Variants in NBAS observed in about 807,000 individuals in gnomAD.
The protein encoded by NBAS is NAG/BC035112 fusion.
NBAS carries 219 observed loss-of-function variants against 302.5 expected under a neutral mutation model. The ratio of observed to expected loss-of-function variants is 0.72; its 90% CI spans 0.65 to 0.81. NBAS has a LOEUF of 0.81. Among genes scored for constraint, NBAS ranks in the 30% least tolerant of loss-of-function variants. The pLI is 0.00. For synonymous variants in NBAS, 1,118 were observed against 1,021.6 expected (o/e 1.09, Z -1.80); for missense variants, 2,932 against 2,841.6 (o/e 1.03, Z -0.72).
At chr2:15,339,253 T>C (rs879362270) in intron 35 of NBAS, among the ~76,000 whole-genome samples, 1 of 152,184 alleles carries the variant, frequency 6.6e-6, no homozygotes, top group Admixed American at 6.5e-5. Context: ...TAATTTGGCA[T>C]GCCTACTATG....
At chr2:15,178,799 T>C (rs1664676976) in intron 51 of NBAS, among the ~76,000 whole-genome samples, 189 bp downstream of exon 51, 1 of 152,190 alleles carries the variant, frequency 6.6e-6, no homozygotes, top group African/African-American at 2.4e-5. Flanking sequence ...GGGAAGAGCT[T>C]AGTAAGTGTT....
chr2:14,969,748 T>C, the NBAS span, among the ~76,000 whole-genome samples: 1 of 152,154 alleles, frequency 6.6e-6, no homozygotes. Flanking sequence ...AAAAAATGGA[T>C]ATCCATAAAC....
chr2:15,364,672 C>T (rs1013314537), intron 32 of NBAS, among the ~76,000 whole-genome samples: 36 of 152,046 alleles, frequency 2.4e-4, no homozygotes, highest in African/African-American at 8.5e-4. Flanking sequence ...TCACAGAGAG[C>T]AGAGACACCT....
the NBAS span, among the ~76,000 whole-genome samples, chr2:15,148,192 C>G: frequency 6.6e-6 from 1 of 152,184 alleles, no homozygotes; most frequent in Non-Finnish European, 1.5e-5. Context: ...AGGTACAACC[C>G]AAGATGACTT....
chr2:14,863,792 C>G, the NBAS span, among the ~76,000 whole-genome samples: 1 of 152,218 alleles, frequency 6.6e-6, no homozygotes, highest in Non-Finnish European at 1.5e-5. Context: ...TCCAACACTT[C>G]TAATACCTAT....
chr2:14,865,063 G>T, the NBAS span, among the ~76,000 whole-genome samples: 6 of 152,148 alleles, frequency 3.9e-5, no homozygotes, highest in Admixed American at 1.3e-4. Context: ...GCCAACAAGG[G>T]TTTCTGTGTT....
chr2:14,935,979 G>A, the NBAS span, among the ~76,000 whole-genome samples: 216 of 152,228 alleles, frequency 1.4e-3, no homozygotes, highest in African/African-American at 4.4e-3. Context: ...ATTCAACCTC[G>A]TCAGACTCAT....
At chr2:15,333,749 G>T (rs762998427) in intron 35 of NBAS, among the ~76,000 whole-genome samples, 1 of 147,030 alleles carries the variant, frequency 6.8e-6, no homozygotes, top group Admixed American at 6.9e-5. Context: ...ACTTAGTGGA[G>T]ATCTGGGAGA....
chr2:14,838,520 A>G, the NBAS span, among the ~76,000 whole-genome samples: 5 of 152,134 alleles, frequency 3.3e-5, no homozygotes, highest in Admixed American at 3.3e-4. Context: ...TTTTTCTGAC[A>G]ATTTCAGTGC....
Position 15,276,863 on chromosome 2 carries a change from C to T in NBAS, c.5377G>A (p.Val1793Ile). ...THIRLLKKFK[V>I]VASGLNYKKL... is the part of the protein sequence containing the mutation. The stretch of plus-strand genomic sequence containing the variant: ...ACAACCATCCTACCTGATGCAACAA[C>T]CTTAAACTTCTTCAGCAGTCGAATG... Residue 1793 changes from valine to isoleucine, a missense_variant, in exon 43 of 52, where the codon GTT (valine) becomes ATT (isoleucine). Physicochemically the swap from Val to Ile is conservative, Grantham distance 29. Transcript: ENST00000281513. 3 of 1,614,040 alleles carry T rather than the reference C, an allele frequency of 1.9e-6. No individual in the cohort carries two copies. The highest frequency in any genetic ancestry group is 2.5e-6 in the Non-Finnish European group (3 of 1,179,964).
chr2:15,346,741 T>C (rs537007907), intron 35 of NBAS, among the ~76,000 whole-genome samples: 34 of 152,250 alleles, frequency 2.2e-4, no homozygotes, highest in South Asian at 8.3e-4. Context: ...AGCAAAGCCA[T>C]GGAACCAACC....
chr2:15,299,723 A>C (rs937891578), intron 40 of NBAS, among the ~76,000 whole-genome samples: 1 of 152,234 alleles, frequency 6.6e-6, no homozygotes, highest in Non-Finnish European at 1.5e-5. Flanking sequence ...ACTTCAAAAT[A>C]CATTTACAAC....
At chr2:14,851,550 A>G in the NBAS span, among the ~76,000 whole-genome samples, 15 of 132,616 alleles carry the variant, frequency 1.1e-4, no homozygotes, top group Non-Finnish European at 1.9e-4. Flanking sequence ...AATCAATAGA[A>G]AAAGAGGGAA....
intron 35 of NBAS, among the ~76,000 whole-genome samples, chr2:15,347,647 A>T (rs1199536327): frequency 6.6e-6 from 1 of 152,198 alleles, no homozygotes; most frequent in African/African-American, 2.4e-5. Context: ...CCTTGTATAC[A>T]ATCCATTTCT....
rs1405767966 is a variant in NBAS at position 15,386,100 on chromosome 2, T to C, written c.3258-2783A>G. Among the ~76,000 whole-genome samples the C allele has an allele frequency of 2.6e-5, 4 of 152,332 alleles. No homozygotes were observed. In the East Asian group the frequency reaches 7.7e-4, roughly 29 times the overall value. The stretch of plus-strand genomic sequence containing the variant: ...TATGTAAGTTCCTAACTGAGGTGTA[T>C]GGTGGCTATAACACTTGCACTGGAG... On this transcript the variant is annotated intron_variant, in intron 28 of 51. Transcript: ENST00000281513.
intron 48 of NBAS, among the ~76,000 whole-genome samples, chr2:15,216,026 CAA>C (rs1296210190): frequency 2.6e-5 from 4 of 152,158 alleles, no homozygotes; most frequent in African/African-American, 9.7e-5. Flanking sequence ...CACCAAGTAA[CAA>C]GAGGTTATTT....
At chr2:15,047,141 T>C in the NBAS span, among the ~76,000 whole-genome samples, 1 of 152,252 alleles carries the variant, frequency 6.6e-6, no homozygotes, top group Non-Finnish European at 1.5e-5. Flanking sequence ...ATGAGGGTCC[T>C]GCCTAACCTG....
chr2:15,051,167 C>T, the NBAS span, among the ~76,000 whole-genome samples: 21 of 152,272 alleles, frequency 1.4e-4, no homozygotes, highest in Middle Eastern at 3.4e-3. Context: ...GGCTGAACAA[C>T]GAAGACATCC....
the NBAS span, among the ~76,000 whole-genome samples, chr2:14,898,720 A>T: frequency 1.3e-5 from 2 of 152,166 alleles, no homozygotes; most frequent in Non-Finnish European, 2.9e-5. Flanking sequence ...CCATCCATAT[A>T]AGACCGAACT....
Sources: gnomAD v4.1 joint callset for allele counts (sites outside exome capture counted in the v4.1 genomes callset) on GRCh38, gnomAD v4.1.1 for gene constraint, MANE v1.5 for transcripts, NCBI Gene and HGNC (gene_info 2026-07-23, HGNC 2026-07-21) for gene names.